The following MRS2 variants were observed in gnomAD, a reference collection of about 807,000 sequenced individuals.
The protein encoded by MRS2 is magnesium transporter MRS2 homolog, mitochondrial.
Under a neutral mutation model 52.6 loss-of-function variants are expected in MRS2, and 40 were observed. That is an observed-to-expected ratio of 0.76 (90% CI 0.59 to 0.99). MRS2 has a LOEUF of 0.99. Among genes scored for constraint, MRS2 ranks in the 50% least tolerant of loss-of-function variants. The pLI, the probability that MRS2 is intolerant of heterozygous loss-of-function variation, is 0.00. For missense variants in MRS2, 472 were observed against 532.7 expected (o/e 0.89, Z 1.12); for synonymous variants, 193 against 195.9 (o/e 0.98, Z 0.13).
rs560054957 is a variant in MRS2 at position 24,419,879 on chromosome 6, T to G, written c.1107+1301T>G. ...ACCCACTGACTGTGTTTTCACAGAA[T>G]AGCTTATTGTAAGTTTTCTAGAACT... On this transcript the variant is annotated intron_variant, in intron 9 of 10. Coordinates refer to ENST00000378386, the MANE Select transcript of MRS2 (RefSeq NM_020662.4). Among the ~76,000 whole-genome samples the G allele has an allele frequency of 2.6e-5, 4 of 152,320 alleles. No individual in the cohort carries two copies. The South Asian group carries it at 8.3e-4, about 32-fold the overall frequency.
At position 24,426,110 on chromosome 6, in the gene MRS2, T is replaced by C. The variant is rs1302385619; in HGVS notation, c.*2416T>C. On this transcript the variant is annotated 3_prime_UTR_variant, in exon 11 of 11. Transcript: ENST00000378386. ...AAGCCTTGAGAAAAGCTGTTACATATACGCAGATAGTAGCAAGACAGAAAA... is the reference window on the plus strand; with the variant it reads ...AAGCCTTGAGAAAAGCTGTTACATACACGCAGATAGTAGCAAGACAGAAAA... 1 of 152,216 alleles carries C rather than the reference T, an allele frequency of 6.6e-6. No homozygotes were observed. Among genetic ancestry groups the C allele is most frequent in the Non-Finnish European group, 1.5e-5 (1 of 68,036 alleles). 9.4% of individuals were successfully genotyped at this position (152,216 alleles called of 1,614,324 possible).
chr6:24,403,292 C>A, intron 1 of MRS2, 56 bp downstream of exon 1: 1 of 1,456,280 alleles, frequency 6.9e-7, no homozygotes, highest in Non-Finnish European at 9.0e-7. Context: ...TGACCTTAGA[C>A]TGCTGCCCCA....
rs1227406072 is a variant in MRS2, at chr6:24,408,749, TTG to T, written c.301+307_301+308del. ...CCCAGAGACACACTCTTTTTCTCTT[TTG>T]TCTCTCTTGTTGGCGTCCCTTTCAC... is the stretch of plus-strand genomic sequence containing the variant. On this transcript the variant is annotated intron_variant, in intron 3 of 10. Coordinates refer to ENST00000378386, the MANE Select transcript of MRS2 (RefSeq NM_020662.4). Among the ~76,000 whole-genome samples the T allele has an allele frequency of 2.6e-5, 4 of 152,206 alleles. No individual in the cohort carries two copies. The East Asian group carries it at 7.7e-4, about 29-fold the overall frequency.
At position 24,410,648 on chromosome 6, in the gene MRS2, C is replaced by T. The variant is rs1761618101; in HGVS notation, c.414+1075C>T. 6 of 1,116,864 alleles carry T rather than the reference C, an allele frequency of 5.4e-6. No individual in the cohort carries two copies. The South Asian group carries it at 9.5e-5, about 18-fold the overall frequency. 69.2% of individuals were successfully genotyped at this position (1,116,864 alleles called of 1,614,324 possible). A position where few individuals can be genotyped will look rare whatever the true frequency, so the allele number is the denominator to read the frequency against. On this transcript the variant is annotated intron_variant, in intron 4 of 10. Coordinates refer to ENST00000378386, the MANE Select transcript of MRS2 (RefSeq NM_020662.4). ...CCAGCCTAAGCAACATAGCAAGATC[C>T]CATCTCTAAAAATAAATAAGTAAAT...
chr6:24,407,260 C>T (rs1464071439), intron 2 of MRS2, among the ~76,000 whole-genome samples: 6 of 152,152 alleles, frequency 3.9e-5, no homozygotes, highest in Admixed American at 2.6e-4. Context: ...GAAAGCTAGA[C>T]TATTACACAA....
Position 24,412,206 on chromosome 6 carries a change from T to TC in MRS2, c.415-16_415-15insC, listed in dbSNP as rs780753413. 1.4e-5 allele frequency: 21 copies of TC among 1,524,700 alleles called. No individual in the cohort carries two copies. The Admixed American group carries it at 4.8e-4, about 35-fold the overall frequency. 94.4% of individuals were successfully genotyped at this position (1,524,700 alleles called of 1,614,324 possible). On this transcript the variant is annotated splice_polypyrimidine_tract_variant and intron_variant, in intron 4 of 10. Coordinates refer to ENST00000378386, the MANE Select transcript of MRS2 (RefSeq NM_020662.4). ...ACTCACATATTTATATGTTTTGGTTTTTTTTTTTTTAACAGTATTTGAAAG... is the reference window on the plus strand; with the variant it reads ...ACTCACATATTTATATGTTTTGGTTTCTTTTTTTTTTAACAGTATTTGAAAG...
Position 24,402,937 on chromosome 6 carries a change from C to T in MRS2, c.-110C>T. ...GCACGCCCCGCGCATGCCTGGTGCA[C>T]AGAGTCTGCAGGTCGGGCGGTAGCG... is the stretch of plus-strand genomic sequence containing the variant. On this transcript the variant is annotated 5_prime_UTR_variant, in exon 1 of 11. Coordinates refer to ENST00000378386, the MANE Select transcript of MRS2 (RefSeq NM_020662.4). The T allele has an allele frequency of 9.5e-7, 1 of 1,055,850 alleles. No homozygotes were observed. The highest frequency in any genetic ancestry group is 1.3e-6 in the Non-Finnish European group (1 of 743,042). The allele number at this position is 1,055,850 out of a possible 1,614,324, so 65.4% of individuals were successfully genotyped here. A position where few individuals can be genotyped will look rare whatever the true frequency, so the allele number is the denominator to read the frequency against.
In MRS2 at chr6:24,409,452, C is replaced by A. The variant is rs1761580606; in HGVS notation, c.302-9C>A. On this transcript the variant is annotated splice_polypyrimidine_tract_variant and intron_variant, in intron 3 of 10. Transcript: ENST00000378386. ...TTGGTTTAGCCCTCTCTGTTTATTTCTTTTATAGAAAGGAAGAAAACTGAA... is the reference window on the plus strand; with the variant it reads ...TTGGTTTAGCCCTCTCTGTTTATTTATTTTATAGAAAGGAAGAAAACTGAA... The A allele has an allele frequency of 6.4e-7, 1 of 1,555,654 alleles. No homozygotes were observed. The highest frequency in any genetic ancestry group is 8.8e-7 in the Non-Finnish European group (1 of 1,133,698).
At position 24,403,197 on chromosome 6, in the gene MRS2, G is replaced by T; in HGVS notation, c.151G>T (p.Ala51Ser). 2 of 1,604,064 alleles carry T rather than the reference G, an allele frequency of 1.2e-6. No individual in the cohort carries two copies. Among genetic ancestry groups the T allele is most frequent in the Non-Finnish European group, 8.5e-7 (1 of 1,179,616 alleles). ...RRANLIGRSR[A>S]AQLCGPDRLR... ...AGCCAACCTGATTGGAAGGAGCCGAGCGGCGCAGCTTTGCGGGCCCGACCG... is the reference window on the plus strand; with the variant it reads ...AGCCAACCTGATTGGAAGGAGCCGATCGGCGCAGCTTTGCGGGCCCGACCG... Residue 51 changes from alanine (A) to serine (S), a missense_variant, in exon 1 of 11, where the codon GCG (alanine) becomes TCG (serine). Transcript: ENST00000378386.
At position 24,418,071 on chromosome 6, in the gene MRS2, CT is replaced by C. The variant is rs774415035; in HGVS notation, c.837-9del. On this transcript the variant is annotated splice_polypyrimidine_tract_variant and intron_variant, in intron 7 of 10. Coordinates refer to ENST00000378386, the MANE Select transcript of MRS2 (RefSeq NM_020662.4). The stretch of plus-strand genomic sequence containing the variant: ...GTTGGGAGTATGTTAATTATTTTCT[CT>C]TTTAATTGAAGTGAAAAGAGCAGTG... 8 of 1,598,866 alleles carry C rather than the reference CT, an allele frequency of 5.0e-6. No homozygotes were observed.
At chr6:24,409,693 CAT>C (rs1270175805) in intron 4 of MRS2, 120 bp downstream of exon 4, 8 of 614,402 alleles carry the variant, frequency 1.3e-5, no homozygotes, top group Admixed American at 3.3e-5. Context: ...CTACCTGAAA[CAT>C]AGGATGTTTT....
intron 1 of MRS2, among the ~76,000 whole-genome samples, chr6:24,404,799 AAG>A (rs1311596133): frequency 4.7e-4 from 71 of 152,374 alleles, no homozygotes; most frequent in African/African-American, 1.4e-3. Flanking sequence ...AATGTGCATG[AAG>A]AGTCTTTTAA....
chr6:24,415,850 GT>G (rs1181730538), intron 6 of MRS2, among the ~76,000 whole-genome samples: 1 of 152,142 alleles, frequency 6.6e-6, no homozygotes, highest in East Asian at 1.9e-4. Context: ...TTTTGTGGGT[GT>G]TTTTGAGACA....
At chr6:24,414,677 C>T (rs898297258) in intron 5 of MRS2, among the ~76,000 whole-genome samples, 8 of 152,184 alleles carry the variant, frequency 5.3e-5, no homozygotes, top group Non-Finnish European at 8.8e-5. Context: ...ACCTCCCAGA[C>T]GGGGTGGCGG....
chr6:24,425,173 GCA>G lies in MRS2; in HGVS notation c.*1483_*1484del, dbSNP rs1762190227. On this transcript the variant is annotated 3_prime_UTR_variant, in exon 11 of 11. Transcript: ENST00000378386. Reference sequence around the variant, plus strand: ...TTTGATAATACTTATATTTCACAGGGCACACTTTTGGCACACCTCAGAGCACA... The same window carrying G: ...TTTGATAATACTTATATTTCACAGGGCACTTTTGGCACACCTCAGAGCACA... 6.6e-6 allele frequency: 1 copy of G among 152,138 alleles called. No homozygotes were observed. Among genetic ancestry groups the G allele is most frequent in the Admixed American group, 6.6e-5 (1 of 15,250 alleles). 9.4% of individuals were successfully genotyped at this position (152,138 alleles called of 1,614,324 possible). A position where few individuals can be genotyped will look rare whatever the true frequency, so the allele number is the denominator to read the frequency against.
At chr6:24,418,685 G>A (rs1761941656) in intron 9 of MRS2, 107 bp downstream of exon 9, 2 of 831,118 alleles carry the variant, frequency 2.4e-6, no homozygotes, top group East Asian at 5.2e-5. Context: ...GATCACCTGA[G>A]GTCAGGAGTT....
Position 24,425,881 on chromosome 6 carries a change from T to C in MRS2, c.*2187T>C, listed in dbSNP as rs372824764. ...TTGGTGAGTTATTCCAAGAGTTGTATACAGCTTTATTTTTTGGAATTGCAA... is the reference window on the plus strand; with the variant it reads ...TTGGTGAGTTATTCCAAGAGTTGTACACAGCTTTATTTTTTGGAATTGCAA... On this transcript the variant is annotated 3_prime_UTR_variant, in exon 11 of 11. Transcript: ENST00000378386. 27 of 152,258 alleles carry C rather than the reference T, an allele frequency of 1.8e-4. No individual in the cohort carries two copies. The highest frequency in any genetic ancestry group is 4.8e-4 in the African/African-American group (20 of 41,470). 9.4% of individuals were successfully genotyped at this position (152,258 alleles called of 1,614,324 possible).
intron 4 of MRS2, 85 bp from the exon 5 acceptor site, chr6:24,412,137 G>A (rs913035394): frequency 1.5e-6 from 1 of 675,220 alleles, no homozygotes; most frequent in African/African-American, 1.9e-5. Flanking sequence ...ATATATATAT[G>A]TATGTATACA....
Position 24,413,286 on chromosome 6 carries a change from C to G in MRS2, c.588+891C>G, listed in dbSNP as rs1761728469. 2.0e-5 allele frequency among the ~76,000 whole-genome samples: 3 copies of G among 151,996 alleles called. No individual in the cohort carries two copies. In the South Asian group the frequency reaches 6.2e-4, roughly 32 times the overall value. ...AGAGAGGCTAGGCTGGCATGGGTCT[C>G]CGGCCTAGAGATTGGCTGTGGGGAG... On this transcript the variant is annotated intron_variant, in intron 5 of 10. Coordinates refer to ENST00000378386, the MANE Select transcript of MRS2 (RefSeq NM_020662.4).
Sources: gnomAD v4.1 joint callset for allele counts (sites outside exome capture counted in the v4.1 genomes callset) on GRCh38, gnomAD v4.1.1 for gene constraint, MANE v1.5 for transcripts, NCBI Gene and HGNC (gene_info 2026-07-23, HGNC 2026-07-21) for gene names.